Variants in FAM98B observed in about 807,000 individuals in gnomAD.
FAM98B encodes the protein tRNA-splicing ligase complex subunit FAM98B.
FAM98B carries 32 observed loss-of-function variants against 43.9 expected under a neutral mutation model. The ratio of observed to expected loss-of-function variants is 0.73; its 90% CI spans 0.55 to 0.98. The LOEUF is 0.98. FAM98B is among the 50% of genes least tolerant of loss of function. FAM98B has a pLI of 0.00. For missense variants in FAM98B, 514 were observed against 522.9 expected (o/e 0.98, Z 0.17); for synonymous variants, 190 against 174.0 (o/e 1.09, Z -0.72).
chr15:38,476,368 G>T (rs1890200266), intron 6 of FAM98B, among the ~76,000 whole-genome samples: 1 of 149,058 alleles, frequency 6.7e-6, no homozygotes, highest in Non-Finnish European at 1.5e-5. Flanking sequence ...CATTCATTGT[G>T]CCCTACTAGA....
chr15:38,464,014 G>A lies in FAM98B; in HGVS notation c.72-18G>A. Reference sequence around the variant, plus strand: ...GATTGGCTTATTTAGTTTTTAACTTGTATTTCTTCCTTTCTAGGTATAAAG... The same window carrying A: ...GATTGGCTTATTTAGTTTTTAACTTATATTTCTTCCTTTCTAGGTATAAAG... On this transcript the variant is annotated intron_variant, in intron 1 of 7. Transcript: ENST00000397609. 1 of 1,578,572 alleles carries A rather than the reference G, an allele frequency of 6.3e-7. No individual in the cohort carries two copies. The highest frequency in any genetic ancestry group is 8.6e-7 in the Non-Finnish European group (1 of 1,162,592).
At chr15:38,474,943 C>G (rs1372141520) in intron 6 of FAM98B, among the ~76,000 whole-genome samples, 3 of 152,132 alleles carry the variant, frequency 2.0e-5, no homozygotes, top group Admixed American at 6.5e-5. Flanking sequence ...TCCTTGATGT[C>G]CAGTGTCTGA....
At position 38,481,370 on chromosome 15, in the gene FAM98B, C is replaced by T. The variant is rs763485245; in HGVS notation, c.808C>T (p.His270Tyr). The change falls in exon 7 of 8, where the codon CAT (histidine) becomes TAT (tyrosine). Residue 270 changes from histidine (H) to tyrosine (Y), a missense_variant. By Grantham distance (83) the His-to-Tyr change is moderately conservative. Coordinates refer to ENST00000397609, the MANE Select transcript of FAM98B (RefSeq NM_173611.4). ...LSPKTTITMA[H>Y]LLAAREDLSK... Reference sequence around the variant, plus strand: ...ACCCAAGACAACGATTACAATGGCACATCTACTTGCTGCTCGTGAAGATCT... The same window carrying T: ...ACCCAAGACAACGATTACAATGGCATATCTACTTGCTGCTCGTGAAGATCT... 2.5e-6 allele frequency: 4 copies of T among 1,614,044 alleles called. No individual in the cohort carries two copies. The African/African-American group carries it at 4.0e-5, about 16-fold the overall frequency.
At chr15:38,460,210 A>G (rs1054883900) in intron 1 of FAM98B, among the ~76,000 whole-genome samples, 6 of 152,214 alleles carry the variant, frequency 3.9e-5, no homozygotes, top group African/African-American at 1.4e-4. Flanking sequence ...ACTTTGATGA[A>G]TAACTAAGAA....
At chr15:38,484,165 C>A in intron 7 of FAM98B, 90 bp from the exon 8 acceptor site, 2 of 1,183,530 alleles carry the variant, frequency 1.7e-6, no homozygotes, top group Non-Finnish European at 2.4e-6. Context: ...TAAATATTGG[C>A]TTCTGTTTAT....
intron 3 of FAM98B, among the ~76,000 whole-genome samples, chr15:38,467,263 T>C (rs1397707442): frequency 6.6e-6 from 1 of 152,218 alleles, no homozygotes; most frequent in African/African-American, 2.4e-5. Context: ...AGCTTCTTCA[T>C]GTTCTTTTTG....
chr15:38,481,502 T>C (rs1555398261), intron 7 of FAM98B, 43 bp downstream of exon 7: 1 of 1,614,128 alleles, frequency 6.2e-7, no homozygotes, highest in East Asian at 2.2e-5. Context: ...ATTGATGATA[T>C]CTTACTTAAT....
At chr15:38,464,312 A>T (rs982369781) in intron 2 of FAM98B, 135 bp downstream of exon 2, 31 of 805,652 alleles carry the variant, frequency 3.8e-5, no homozygotes, top group Middle Eastern at 8.0e-4. Context: ...TGTGGTAGTA[A>T]ACATTTTTGG....
chr15:38,460,409 G>GTT (rs141651348), intron 1 of FAM98B, among the ~76,000 whole-genome samples: 1 of 147,600 alleles, frequency 6.8e-6, no homozygotes, highest in Admixed American at 6.8e-5. Flanking sequence ...AATATTGAGA[G>GTT]TTTTTTTTTT....
intron 5 of FAM98B, 146 bp downstream of exon 5, chr15:38,473,731 T>C (rs1813943577): frequency 1.6e-6 from 1 of 626,672 alleles, no homozygotes; most frequent in Non-Finnish European, 2.7e-6. Context: ...GAGTAATATG[T>C]CCTAACATTT....
At chr15:38,465,818 T>C (rs1405808800) in intron 3 of FAM98B, among the ~76,000 whole-genome samples, 5 of 152,158 alleles carry the variant, frequency 3.3e-5, no homozygotes, top group Non-Finnish European at 7.4e-5. Flanking sequence ...ATACTAGGGA[T>C]ATATGAGGGT....
chr15:38,472,245 G>A (rs1474814540), intron 4 of FAM98B, among the ~76,000 whole-genome samples: 1 of 152,100 alleles, frequency 6.6e-6, no homozygotes, highest in African/African-American at 2.4e-5. Context: ...CCTCTGGAGT[G>A]AGGAGTTACA....
At chr15:38,464,262 C>G (rs114916891) in intron 2 of FAM98B, 85 bp downstream of exon 2, 2 of 1,298,866 alleles carry the variant, frequency 1.5e-6, no homozygotes, top group African/African-American at 3.0e-5. Context: ...AATGTGCCCA[C>G]TGTACAAAGA....
chr15:38,477,465 T>C (rs1389118459), intron 6 of FAM98B, among the ~76,000 whole-genome samples: 2 of 152,182 alleles, frequency 1.3e-5, no homozygotes, highest in Non-Finnish European at 2.9e-5. Flanking sequence ...AGGATATATG[T>C]ACCTTTTATA....
chr15:38,465,910 A>G (rs1452287641), intron 3 of FAM98B, among the ~76,000 whole-genome samples: 1 of 151,878 alleles, frequency 6.6e-6, no homozygotes. Context: ...TCAGGGAGGG[A>G]TTTGGAATAT....
intron 4 of FAM98B, among the ~76,000 whole-genome samples, chr15:38,471,306 GTA>G (rs1310446193): frequency 3.3e-5 from 5 of 151,834 alleles, no homozygotes; most frequent in Non-Finnish European, 7.4e-5. Flanking sequence ...ATTTTTTTTG[GTA>G]GAACTTGCAA....
chr15:38,460,991 C>G (rs1419540655), intron 1 of FAM98B, among the ~76,000 whole-genome samples: 1 of 152,106 alleles, frequency 6.6e-6, no homozygotes, highest in Non-Finnish European at 1.5e-5. Flanking sequence ...ACTAGATGGT[C>G]AGGTATGTTA....
chr15:38,454,869 T>C (rs1270012638), intron 1 of FAM98B, among the ~76,000 whole-genome samples: 1 of 152,218 alleles, frequency 6.6e-6, no homozygotes, highest in Non-Finnish European at 1.5e-5. Flanking sequence ...AGGCTGCAAG[T>C]CTGCTGCCGG....
intron 3 of FAM98B, among the ~76,000 whole-genome samples, chr15:38,466,182 T>TTTGTGTGTG (rs1890028214): frequency 6.8e-6 from 1 of 147,704 alleles, no homozygotes; most frequent in African/African-American, 2.5e-5. Flanking sequence ...GAGATGAAAT[T>TTTGTGTGTG]TGTGTGTGTG....
Sources: gnomAD v4.1 joint callset for allele counts (sites outside exome capture counted in the v4.1 genomes callset) on GRCh38, gnomAD v4.1.1 for gene constraint, MANE v1.5 for transcripts, NCBI Gene and HGNC (gene_info 2026-07-23, HGNC 2026-07-21) for gene names.